Variants in KIAA1755 observed in about 807,000 individuals in gnomAD.
The protein encoded by KIAA1755 is KIAA1755.
A neutral mutation model predicts 91.7 loss-of-function variants in KIAA1755; 68 were observed. The observed-to-expected ratio is 0.74, with a 90% confidence interval of 0.61 to 0.91. The LOEUF is 0.91. Ranked by LOEUF, KIAA1755 falls within the 40% of genes least tolerant of loss-of-function variation. The pLI, the probability that KIAA1755 is intolerant of heterozygous loss-of-function variation, is 0.00. For missense variants in KIAA1755, 1,535 were observed against 1,494.4 expected (o/e 1.03, Z -0.45); for synonymous variants, 610 against 604.6 (o/e 1.01, Z -0.13).
rs1397691112 is a variant in KIAA1755 at position 38,240,931 on chromosome 20, C to A, written c.1200G>T (p.Met400Ile). 1.9e-6 allele frequency: 3 copies of A among 1,613,910 alleles called. No individual in the cohort carries two copies. Among genetic ancestry groups the A allele is most frequent in the Non-Finnish European group, 2.5e-6 (3 of 1,179,958 alleles). ...TCTCTGGGTTTCCTAGAGGTCCCTGCATCTTGGAGGCAGCTGGCTCTTGTG... is the reference window on the plus strand; with the variant it reads ...TCTCTGGGTTTCCTAGAGGTCCCTGAATCTTGGAGGCAGCTGGCTCTTGTG... ...GVSQEPAASK[M>I]QGPLGNPENM... The change falls in exon 3 of 14, where the codon ATG (methionine) becomes ATT (isoleucine). Residue 400 changes from methionine (M) to isoleucine (I), a missense_variant. By Grantham distance (10) the Met-to-Ile change is conservative (BLOSUM62 1). Transcript: ENST00000279024.
intron 1 of KIAA1755, among the ~76,000 whole-genome samples, chr20:38,259,942 A>C (rs1198363797): frequency 6.6e-6 from 1 of 151,806 alleles, no homozygotes; most frequent in Non-Finnish European, 1.5e-5. Flanking sequence ...CCATGGAAGC[A>C]CCCTGGGTTT....
At chr20:38,224,634 G>T (rs1465323297) in intron 8 of KIAA1755, among the ~76,000 whole-genome samples, 1 of 152,180 alleles carries the variant, frequency 6.6e-6, no homozygotes, top group Non-Finnish European at 1.5e-5. Context: ...CTGGTACCAA[G>T]CATGCCGCAA....
At position 38,225,755 on chromosome 20, in the gene KIAA1755, G is replaced by A; in HGVS notation, c.2079C>T (p.Ala693=). 1 of 1,592,792 alleles carries A rather than the reference G, an allele frequency of 6.3e-7. No individual in the cohort carries two copies. The highest frequency in any genetic ancestry group is 1.1e-5 in the South Asian group (1 of 87,346). The part of the protein sequence containing the change: ...VQVEVLTSLK[A]LSHHVDPSQL... ...GGCTGGGGTCCACATGGTGGCTGAG[G>A]GCCTTCAATGAGGTCAGCACCTCCA... is the stretch of plus-strand genomic sequence containing the variant. Residue 693 remains alanine (A), a synonymous_variant, in exon 8 of 14, where the codon GCC becomes GCT. Coordinates refer to ENST00000279024, the MANE Select transcript of KIAA1755 (RefSeq NM_001029864.2).
At chr20:38,220,981 A>T (rs1286144084) in intron 10 of KIAA1755, among the ~76,000 whole-genome samples, 1 of 152,232 alleles carries the variant, frequency 6.6e-6, no homozygotes, top group African/African-American at 2.4e-5. Flanking sequence ...AGGAATCTCC[A>T]ACCCTGCTCT....
chr20:38,220,670 G>A (rs958967681), intron 10 of KIAA1755, among the ~76,000 whole-genome samples: 3 of 152,196 alleles, frequency 2.0e-5, no homozygotes, highest in African/African-American at 7.2e-5. Flanking sequence ...CCAGGGCAGA[G>A]AACCAGCGCT....
Position 38,227,139 on chromosome 20 carries a change from C to T in KIAA1755, c.2052+15G>A, listed in dbSNP as rs757140497. On this transcript the variant is annotated intron_variant, in intron 7 of 13. Coordinates refer to ENST00000279024, the MANE Select transcript of KIAA1755 (RefSeq NM_001029864.2). ...CAACTCCCTTCCTCAACCGCCGACC[C>T]TGAGTCCCCCTCACCTGGACGTCAG... 5.0e-6 allele frequency: 8 copies of T among 1,609,324 alleles called. No homozygotes were observed. The highest frequency in any genetic ancestry group is 2.2e-5 in the East Asian group (1 of 44,830).
chr20:38,257,345 T>C (rs187957058), intron 1 of KIAA1755, among the ~76,000 whole-genome samples: 100 of 151,600 alleles, frequency 6.6e-4, no homozygotes, highest in African/African-American at 2.2e-3. Context: ...CTTTGGGAGG[T>C]TGAGGTGGGA....
Position 38,213,690 on chromosome 20 carries a change from G to C in KIAA1755, c.2955C>G (p.Asp985Glu), listed in dbSNP as rs771528481. Reference protein sequence around the residue: ...CQDLMAQLRLDKTSRVSPGDQ... With the variant: ...CQDLMAQLRLEKTSRVSPGDQ... ...CCCCAGGACTGACCCTTGAGGTCTT[G>C]TCCAGCCTGAGCTGGGCCATCAGGT... Residue 985 changes from aspartate to glutamate, a missense_variant, in exon 14 of 14, where the codon GAC becomes GAG. By Grantham distance (45) the Asp-to-Glu change is conservative (BLOSUM62 2). Transcript: ENST00000279024. 1.9e-6 allele frequency: 3 copies of C among 1,556,642 alleles called. No homozygotes were observed. Among genetic ancestry groups the C allele is most frequent in the South Asian group, 2.4e-5 (2 of 83,344 alleles).
Position 38,213,730 on chromosome 20 carries a change from TG to T in KIAA1755, c.2914del (p.His972ThrfsTer7). On this transcript the variant is annotated frameshift_variant, in exon 14 of 14. Transcript: ENST00000279024. LOFTEE classifies it low-confidence loss of function (END_TRUNC). ...GGCCATCAGGTCCTGACAGTCCATG[TG>T]GAACCAGGTCATCTGGGGGACAAGA... ...HRFCKRMTWF[H>X]MDCQDLMAQL... 6.8e-7 allele frequency: 1 copy of T among 1,476,844 alleles called. No individual in the cohort carries two copies. Among genetic ancestry groups the T allele is most frequent in the Non-Finnish European group, 9.0e-7 (1 of 1,114,000 alleles). The allele number at this position is 1,476,844 out of a possible 1,614,324, so 91.5% of individuals were successfully genotyped here.
rs767718546 is a variant in KIAA1755, at chr20:38,241,932, G to C, written c.202-3C>G. On this transcript the variant is annotated splice_polypyrimidine_tract_variant and splice_region_variant and intron_variant, in intron 2 of 13. Transcript: ENST00000279024. ...AAGAGGCAGTGTGAGTAGGGAGCCTGTGGAGAGAAGGGGATGGCATCAGAG... is the reference window on the plus strand; with the variant it reads ...AAGAGGCAGTGTGAGTAGGGAGCCTCTGGAGAGAAGGGGATGGCATCAGAG... 1 of 1,607,054 alleles carries C rather than the reference G, an allele frequency of 6.2e-7. No individual in the cohort carries two copies.
At chr20:38,231,505 T>G (rs989715894) in intron 4 of KIAA1755, among the ~76,000 whole-genome samples, 180 bp from the exon 5 acceptor site, 4 of 152,172 alleles carry the variant, frequency 2.6e-5, no homozygotes, top group Admixed American at 6.5e-5. Context: ...CAAACACCAC[T>G]TCGTGAGAAA....
intron 5 of KIAA1755, among the ~76,000 whole-genome samples, chr20:38,230,339 G>A (rs2075836870): frequency 6.6e-6 from 1 of 152,140 alleles, no homozygotes; most frequent in Non-Finnish European, 1.5e-5. Flanking sequence ...TAATTCAGAT[G>A]ACAGCTCAAT....
At chr20:38,226,356 C>G (rs1468423534) in intron 7 of KIAA1755, among the ~76,000 whole-genome samples, 1 of 152,104 alleles carries the variant, frequency 6.6e-6, no homozygotes, top group East Asian at 1.9e-4. Context: ...TTTTTTTGGA[C>G]CCACCTGATA....
chr20:38,222,769 A>C, intron 9 of KIAA1755, 172 bp from the exon 10 acceptor site: 1 of 686,618 alleles, frequency 1.5e-6, no homozygotes, highest in Admixed American at 2.2e-5. Context: ...CCCTCTCGTC[A>C]CCACGGCAAC....
At position 38,223,603 on chromosome 20, in the gene KIAA1755, C is replaced by A; in HGVS notation, c.2203G>T (p.Ala735Ser). ...LDPFLADLHQ[A>S]SSLLQASIEE... Reference sequence around the variant, plus strand: ...ATGGAAGCTTGTAGCAGGGAAGAGGCCTGGTGGAGGTCAGCAAGGAAAGGG... The same window carrying A: ...ATGGAAGCTTGTAGCAGGGAAGAGGACTGGTGGAGGTCAGCAAGGAAAGGG... The change falls in exon 9 of 14, where the codon GCC becomes TCC. Residue 735 changes from alanine to serine, a missense_variant. Physicochemically the swap from Ala to Ser is moderately conservative, Grantham distance 99. Coordinates refer to ENST00000279024, the MANE Select transcript of KIAA1755 (RefSeq NM_001029864.2). 6.2e-7 allele frequency: 1 copy of A among 1,605,026 alleles called. No homozygotes were observed. The highest frequency in any genetic ancestry group is 8.5e-7 in the Non-Finnish European group (1 of 1,176,282).
intron 13 of KIAA1755, among the ~76,000 whole-genome samples, chr20:38,216,042 C>T (rs2075538259): frequency 6.6e-6 from 1 of 152,134 alleles, no homozygotes; most frequent in African/African-American, 2.4e-5. Flanking sequence ...TAGTACCTGT[C>T]TCATAGGATC....
At position 38,213,166 on chromosome 20, in the gene KIAA1755, C is replaced by G. The variant is rs765394645; in HGVS notation, c.3479G>C (p.Arg1160Pro). 2 of 1,613,520 alleles carry G rather than the reference C, an allele frequency of 1.2e-6. No homozygotes were observed. Among genetic ancestry groups the G allele is most frequent in the African/African-American group, 1.3e-5 (1 of 74,914 alleles). Reference protein sequence around the residue: ...REHLLATTFFRQQPPRQSQVP... With the variant: ...REHLLATTFFPQQPPRQSQVP... ...CTGGCTCTGCCTGGGGGGCTGCTGC[C>G]GGAAGAAGGTGGTGGCAAGCAAATG... The change falls in exon 14 of 14, where the codon CGG becomes CCG. Residue 1160 changes from arginine (R) to proline (P), a missense_variant. Physicochemically the swap from Arg to Pro is moderately radical, Grantham distance 103. Transcript: ENST00000279024.
At chr20:38,249,848 C>T (rs1238746243) in intron 1 of KIAA1755, among the ~76,000 whole-genome samples, 2 of 152,066 alleles carry the variant, frequency 1.3e-5, no homozygotes, top group Non-Finnish European at 2.9e-5. Context: ...CCACCCCATG[C>T]AATCCTGGGA....
intron 1 of KIAA1755, 142 bp downstream of exon 1, chr20:38,260,356 G>C: frequency 6.3e-7 from 1 of 1,583,560 alleles, no homozygotes. Context: ...GGTGGAAGCA[G>C]GTAAGCACAA....
Sources: allele counts gnomAD v4.1 joint callset (sites outside exome capture counted in the v4.1 genomes callset), GRCh38; gene constraint gnomAD v4.1.1; transcripts MANE v1.5; gene names NCBI Gene and HGNC (gene_info 2026-07-23, HGNC 2026-07-21).